Variants in SHF observed in about 807,000 individuals in gnomAD.
The protein encoded by SHF is SH2 domain-containing adapter protein F.
In SHF, 30 loss-of-function variants were observed where a neutral mutation model predicts 42.4. That is an observed-to-expected ratio of 0.71 (90% CI 0.53 to 0.96). The LOEUF is 0.96. Among genes scored for constraint, SHF ranks in the 40% least tolerant of loss-of-function variants. SHF has a pLI of 0.00. For missense variants in SHF, 598 were observed against 634.0 expected, an observed-to-expected ratio of 0.94 and a Z score of 0.61; for synonymous variants, 264 against 269.9, an observed-to-expected ratio of 0.98 and a Z score of 0.21.
At chr15:45,196,600 T>C (rs917005208) in intron 2 of SHF, among the ~76,000 whole-genome samples, 1 of 151,880 alleles carries the variant, frequency 6.6e-6, no homozygotes, top group African/African-American at 2.4e-5. Flanking sequence ...CTCCTTACTA[T>C]AGAGTTAAGA....
chr15:45,170,502 C>T (rs139194501), intron 6 of SHF: 1 of 1,213,794 alleles, frequency 8.2e-7, no homozygotes, highest in African/African-American at 1.6e-5. Context: ...AAGCGATAAT[C>T]TATCAACTCA....
chr15:45,187,788 A>C lies in SHF; in HGVS notation c.164T>G (p.Leu55Arg). Residue 55 changes from leucine (L) to arginine (R), a missense_variant, in exon 1 of 7, where the codon CTG becomes CGG. Transcript: ENST00000690270. ...GCCGCCGCCCCCCCCGCGGAAGCCC[A>C]GGTGCTCCCGGAGCCACTTGGCTAC... ...GGVAKWLREH[L>R]GFRGGGGGGG... The C allele has an allele frequency of 1.2e-6, 1 of 816,922 alleles. No homozygotes were observed. The highest frequency in any genetic ancestry group is 1.6e-6 in the Non-Finnish European group (1 of 619,628). 50.6% of individuals were successfully genotyped at this position (816,922 alleles called of 1,614,324 possible).
Position 45,187,689 on chromosome 15 carries a change from G to A in SHF, c.263C>T (p.Ala88Val). The change falls in exon 1 of 7, where the codon GCG becomes GTG. Residue 88 changes from alanine (A) to valine (V), a missense_variant. Ala to Val is a moderately conservative substitution (Grantham distance 64, BLOSUM62 0). Transcript: ENST00000690270. ...GGCGGCCAGGATGTCCGGGGGCGGCGCGGGGGGCGCGGCCGGAGAGGGCGC... is the reference window on the plus strand; with the variant it reads ...GGCGGCCAGGATGTCCGGGGGCGGCACGGGGGGCGCGGCCGGAGAGGGCGC... Reference protein sequence around the residue: ...PPAPSPAAPPAPPPDILAAYR... With the variant: ...PPAPSPAAPPVPPPDILAAYR... 1 of 1,211,780 alleles carries A rather than the reference G, an allele frequency of 8.3e-7. No homozygotes were observed. The highest frequency in any genetic ancestry group is 1.0e-6 in the Non-Finnish European group (1 of 971,188). 75.1% of individuals were successfully genotyped at this position (1,211,780 alleles called of 1,614,324 possible).
At chr15:45,198,974 G>C in exon 2 of SHF, 1 of 1,613,428 alleles carries the variant, frequency 6.2e-7, no homozygotes, top group Non-Finnish European at 8.5e-7. Flanking sequence ...ACTACCCTTG[G>C]GGGATGCCCG....
chr15:45,195,994 A>G (rs1471494903), intron 2 of SHF, among the ~76,000 whole-genome samples: 4 of 152,032 alleles, frequency 2.6e-5, no homozygotes, highest in African/African-American at 7.3e-5. Flanking sequence ...TGTTTTGCCT[A>G]TATAGTTTTG....
At chr15:45,194,750 A>T (rs997709472) in intron 2 of SHF, among the ~76,000 whole-genome samples, 1 of 152,184 alleles carries the variant, frequency 6.6e-6, no homozygotes, top group Admixed American at 6.5e-5. Flanking sequence ...CCTGCTGCAG[A>T]CTTAGAATCA....
chr15:45,187,313 G>A, intron 1 of SHF, 141 bp downstream of exon 1: 2 of 808,682 alleles, frequency 2.5e-6, no homozygotes, highest in Non-Finnish European at 3.3e-6. Context: ...GTGAAGGCTC[G>A]GAACCCCGGG....
At chr15:45,184,021 T>G (rs905546827) in intron 1 of SHF, among the ~76,000 whole-genome samples, 5 of 152,192 alleles carry the variant, frequency 3.3e-5, no homozygotes, top group African/African-American at 1.2e-4. Context: ...ATCTGCAACA[T>G]AAGCAGACTG....
At chr15:45,186,248 T>C (rs1898392004) in intron 1 of SHF, among the ~76,000 whole-genome samples, 1 of 152,200 alleles carries the variant, frequency 6.6e-6, no homozygotes, top group African/African-American at 2.4e-5. Flanking sequence ...TGGCAAAAAC[T>C]AGGGGAAAAA....
chr15:45,173,133 C>T (rs778713489), intron 4 of SHF, among the ~76,000 whole-genome samples: 7 of 152,228 alleles, frequency 4.6e-5, no homozygotes, highest in South Asian at 2.1e-4. Flanking sequence ...GAATTAAGTG[C>T]GTTCTTTCTC....
rs1897646330 is a variant in SHF at position 45,173,703 on chromosome 15, G to A, written c.861C>T (p.Val287=). The A allele has an allele frequency of 6.4e-7, 1 of 1,551,824 alleles. No homozygotes were observed. Among genetic ancestry groups the A allele is most frequent in the Non-Finnish European group, 8.7e-7 (1 of 1,147,010 alleles). ...ISKAFAVDIK[V]IKDLPWPPPV... Reference sequence around the variant, plus strand: ...GTGGAGGCCAAGGTAGGTCTTTGATGACCTTAATGTCAACTGGAGCCAGCA... The same window carrying A: ...GTGGAGGCCAAGGTAGGTCTTTGATAACCTTAATGTCAACTGGAGCCAGCA... The change falls in exon 4 of 7, where the codon GTC becomes GTT. Residue 287 remains valine, a synonymous_variant. Coordinates refer to ENST00000690270, the MANE Select transcript of SHF (RefSeq NM_001394037.1).
At chr15:45,178,445 T>G in intron 1 of SHF, 139 bp from the exon 2 acceptor site, 1 of 1,054,876 alleles carries the variant, frequency 9.5e-7, no homozygotes, top group South Asian at 2.0e-5. Context: ...AAAGGAAGGC[T>G]CTGAGCTTGG....
chr15:45,198,879 A>G lies in SHF; in HGVS notation c.196T>C (p.Ser66Pro), dbSNP rs200545060. ...GGCCCATTAGCCACGGGCTGTGGTGATGATGAGATGGGCTCCCGGTGAGCG... is the reference window on the plus strand; with the variant it reads ...GGCCCATTAGCCACGGGCTGTGGTGGTGATGAGATGGGCTCCCGGTGAGCG... Residue 66 changes from serine (S) to proline (P), a missense_variant, in exon 2 of 8, where the codon TCA becomes CCA. By Grantham distance (74) the Ser-to-Pro change is moderately conservative. Transcript: ENST00000290894. The G allele has an allele frequency of 1.4e-5, 23 of 1,613,850 alleles. No individual in the cohort carries two copies. The highest frequency in any genetic ancestry group is 8.3e-5 in the Admixed American group (5 of 60,004).
chr15:45,197,863 G>A (rs1648298), intron 2 of SHF, among the ~76,000 whole-genome samples: 136,176 of 150,282 alleles, frequency 0.91, 62,864 homozygotes, highest in Non-Finnish European at 1. Flanking sequence ...GGCAAGCGAG[G>A]GCATGTTTGC....
At chr15:45,189,642 G>A (rs141972368), upstream of SHF, among the ~76,000 whole-genome samples, 255 of 152,122 alleles carry the variant, frequency 1.7e-3, 4 homozygotes, top group African/African-American at 5.7e-3. Flanking sequence ...CCCCACCTCG[G>A]CCTTCCAAAA....
chr15:45,187,853 C>G lies in SHF; in HGVS notation c.99G>C (p.Gly33=). The G allele has an allele frequency of 9.3e-7, 1 of 1,077,508 alleles. No individual in the cohort carries two copies. Among genetic ancestry groups the G allele is most frequent in the Non-Finnish European group, 1.2e-6 (1 of 860,186 alleles). 66.7% of individuals were successfully genotyped at this position (1,077,508 alleles called of 1,614,324 possible). ...CCCCTCCTGGGCCGGCTCCCGCACCCCCGGCGCCCCGGCGGGACCCCCCCG... is the reference window on the plus strand; with the variant it reads ...CCCCTCCTGGGCCGGCTCCCGCACCGCCGGCGCCCCGGCGGGACCCCCCCG... ...GGPGGSRRGA[G]GAGAGPGGGG... Residue 33 remains glycine (G), a synonymous_variant, in exon 1 of 7, where the codon GGG becomes GGC. Coordinates refer to ENST00000690270, the MANE Select transcript of SHF (RefSeq NM_001394037.1).
chr15:45,197,445 TG>T (rs1429113258), intron 2 of SHF, among the ~76,000 whole-genome samples: 5 of 152,270 alleles, frequency 3.3e-5, no homozygotes, highest in African/African-American at 1.2e-4. Flanking sequence ...AGTTGGAGCC[TG>T]ATAATAAGAG....
At chr15:45,186,678 G>T (rs1399418738) in intron 1 of SHF, among the ~76,000 whole-genome samples, 2 of 152,272 alleles carry the variant, frequency 1.3e-5, no homozygotes, top group African/African-American at 4.8e-5. Flanking sequence ...TGGACCAGGG[G>T]GAGAGGGAGG....
chr15:45,199,952 TCAAAAAAAAAAAAAAA>T (rs1899014624), intron 1 of SHF: 1 of 28,070 alleles, frequency 3.6e-5, no homozygotes, highest in East Asian at 1.4e-3. Context: ...AGGCTCCATC[TCAAAAAAAAAAAAAAA>T]AAAAAAAAAA....
Sources: allele counts gnomAD v4.1 joint callset (sites outside exome capture counted in the v4.1 genomes callset), GRCh38; gene constraint gnomAD v4.1.1; transcripts MANE v1.5; gene names NCBI Gene and HGNC (gene_info 2026-07-23, HGNC 2026-07-21).